TMEM178B: variants seen among roughly 807,000 people sequenced by gnomAD.
TMEM178B encodes the protein transmembrane protein 178B.
Under a neutral mutation model 31.0 loss-of-function variants are expected in TMEM178B, and 5 were observed. The ratio of observed to expected loss-of-function variants is 0.16; its 90% CI spans 0.08 to 0.34. TMEM178B has a LOEUF of 0.34. TMEM178B is among the 10% of genes least tolerant of loss of function. The pLI, the probability that TMEM178B is intolerant of heterozygous loss-of-function variation, is 1.00. For synonymous variants in TMEM178B, 164 were observed against 164.0 expected (o/e 1.00, Z 0.00); for missense variants, 275 against 400.3 (o/e 0.69, Z 2.67).
At chr7:141,188,060 G>A (rs961380337) in intron 1 of TMEM178B, among the ~76,000 whole-genome samples, 1 of 152,104 alleles carries the variant, frequency 6.6e-6, no homozygotes, top group Non-Finnish European at 1.5e-5. Context: ...TTCTTCTAGG[G>A]TTTTTATGGT....
Position 141,107,425 on chromosome 7 carries a change from G to A in TMEM178B, c.382+32733G>A, listed in dbSNP as rs148086651. On this transcript the variant is annotated intron_variant, in intron 1 of 3. Coordinates refer to ENST00000565468, the MANE Select transcript of TMEM178B (RefSeq NM_001195278.2). ...GTTAGGAGCTGCGTTTACAATGTAG[G>A]CATGGTGATGGTAGCATGGGTCACA... Among the ~76,000 whole-genome samples, 1,426 of 152,292 alleles carry A rather than the reference G, an allele frequency of 9.4e-3. 9 individuals carry two copies. The highest frequency in any genetic ancestry group is 0.016 in the Admixed American group (242 of 15,300).
the TMEM178B span, among the ~76,000 whole-genome samples, chr7:141,509,370 C>G: frequency 3.9e-5 from 6 of 152,132 alleles, no homozygotes; most frequent in Admixed American, 2.0e-4. Context: ...ATTTTAGAGG[C>G]CAGGCACGGT....
intron 2 of TMEM178B, among the ~76,000 whole-genome samples, chr7:141,385,849 T>C (rs762609290): frequency 7.9e-5 from 12 of 152,188 alleles, no homozygotes; most frequent in Admixed American, 6.5e-5. Flanking sequence ...ACACAGAAGA[T>C]AACTTCTTCT....
chr7:141,198,381 G>A (rs948960578), intron 1 of TMEM178B, among the ~76,000 whole-genome samples: 6 of 152,216 alleles, frequency 3.9e-5, no homozygotes, highest in African/African-American at 1.2e-4. Flanking sequence ...GCCCAGGAAA[G>A]CCATCTCTGT....
intron 3 of TMEM178B, among the ~76,000 whole-genome samples, chr7:141,438,728 T>G (rs1446982746): frequency 2.2e-5 from 1 of 45,206 alleles, no homozygotes; most frequent in Non-Finnish European, 5.6e-5. Context: ...AAAAAAAAAT[T>G]AGCCAGGCAT....
At chr7:141,215,819 TTTCTTTCTTTCTTTC>T (rs1413826650) in intron 2 of TMEM178B, among the ~76,000 whole-genome samples, 3,490 of 86,314 alleles carry the variant, frequency 0.04, 77 homozygotes, top group Middle Eastern at 0.1. Flanking sequence ...TCTTTCTTTC[TTTCTTTCTTTCTTTC>T]TTTCTTTTCT....
intron 2 of TMEM178B, among the ~76,000 whole-genome samples, chr7:141,278,128 C>T (rs1022201776): frequency 4.6e-5 from 7 of 152,226 alleles, no homozygotes; most frequent in African/African-American, 7.2e-5. Flanking sequence ...ACTACAGTCT[C>T]ATAGATGTCG....
intron 1 of TMEM178B, among the ~76,000 whole-genome samples, chr7:141,210,969 A>C (rs1484422330): frequency 6.6e-6 from 1 of 152,178 alleles, no homozygotes; most frequent in Non-Finnish European, 1.5e-5. Flanking sequence ...CAATGACTGC[A>C]GGATTTATGA....
chr7:141,230,681 G>T (rs1423966616), intron 2 of TMEM178B, among the ~76,000 whole-genome samples: 2 of 152,130 alleles, frequency 1.3e-5, no homozygotes, highest in Non-Finnish European at 2.9e-5. Context: ...CTGTCACTCA[G>T]GTTGGAGTGC....
intron 2 of TMEM178B, among the ~76,000 whole-genome samples, chr7:141,417,576 G>A (rs1422672143): frequency 6.6e-6 from 1 of 152,172 alleles, no homozygotes; most frequent in Non-Finnish European, 1.5e-5. Flanking sequence ...TTACAGAACG[G>A]GTGATTCTAG....
At chr7:141,383,164 C>CTTTT (rs891921673) in intron 2 of TMEM178B, among the ~76,000 whole-genome samples, 3 of 104,322 alleles carry the variant, frequency 2.9e-5, no homozygotes, top group African/African-American at 1.2e-4. Flanking sequence ...TTCTTTCTTT[C>CTTTT]TTTTTTTTTA....
chr7:141,220,086 G>A (rs968616400), intron 2 of TMEM178B, among the ~76,000 whole-genome samples: 10 of 152,074 alleles, frequency 6.6e-5, no homozygotes, highest in Admixed American at 2.0e-4. Context: ...TTGGGAGGCC[G>A]AGACAGCTGG....
At chr7:141,451,177 G>T (rs1213360623) in intron 3 of TMEM178B, among the ~76,000 whole-genome samples, 1 of 152,206 alleles carries the variant, frequency 6.6e-6, no homozygotes, top group Non-Finnish European at 1.5e-5. Context: ...CAGATGGAAT[G>T]AATGTTATCT....
intron 2 of TMEM178B, among the ~76,000 whole-genome samples, chr7:141,346,828 A>G (rs926162709): frequency 1.3e-5 from 2 of 152,206 alleles, no homozygotes; most frequent in South Asian, 2.1e-4. Flanking sequence ...TAAATTACTC[A>G]TTGATATAAT....
chr7:141,088,258 G>A (rs1016862786), intron 1 of TMEM178B, among the ~76,000 whole-genome samples: 2 of 151,882 alleles, frequency 1.3e-5, no homozygotes, highest in Non-Finnish European at 2.9e-5. Context: ...TTCTCTGCTT[G>A]CCTGGCTTTC....
chr7:141,307,629 G>A (rs765286961), intron 2 of TMEM178B, among the ~76,000 whole-genome samples: 1 of 152,204 alleles, frequency 6.6e-6, no homozygotes, highest in African/African-American at 2.4e-5. Flanking sequence ...GGCACTCCCC[G>A]TTCTCCCTGA....
intron 2 of TMEM178B, among the ~76,000 whole-genome samples, chr7:141,222,067 T>A (rs1221983800): frequency 6.6e-6 from 1 of 152,076 alleles, no homozygotes; most frequent in Non-Finnish European, 1.5e-5. Flanking sequence ...CAGGAGAGCA[T>A]GGGTAGGCTT....
chr7:141,280,646 A>G (rs1257916841), intron 2 of TMEM178B, among the ~76,000 whole-genome samples: 1 of 152,210 alleles, frequency 6.6e-6, no homozygotes, highest in African/African-American at 2.4e-5. Context: ...AAAACGGACT[A>G]ATACAGCACC....
In TMEM178B at chr7:141,329,478, C is replaced by T. The variant is rs556003981; in HGVS notation, c.497-108130C>T. On this transcript the variant is annotated intron_variant, in intron 2 of 3. Coordinates refer to ENST00000565468, the MANE Select transcript of TMEM178B (RefSeq NM_001195278.2). Reference sequence around the variant, plus strand: ...GTATCAAATCATCATCCTTTTGTCCCGAGGCTTATCAGGTCAGCAGAGTTG... The same window carrying T: ...GTATCAAATCATCATCCTTTTGTCCTGAGGCTTATCAGGTCAGCAGAGTTG... 7.2e-5 allele frequency among the ~76,000 whole-genome samples: 11 copies of T among 152,282 alleles called. No homozygotes were observed. The South Asian group carries it at 2.1e-3, about 29-fold the overall frequency.
Sources: allele counts gnomAD v4.1 joint callset (sites outside exome capture counted in the v4.1 genomes callset), GRCh38; gene constraint gnomAD v4.1.1; transcripts MANE v1.5; gene names NCBI Gene and HGNC (gene_info 2026-07-23, HGNC 2026-07-21).